Variants in PRMT8 observed in about 807,000 individuals in gnomAD.
The protein encoded by PRMT8 is protein arginine N-methyltransferase 8.
PRMT8 carries 7 observed loss-of-function variants against 47.1 expected under a neutral mutation model. The observed-to-expected ratio is 0.15, with a 90% CI of 0.08 to 0.28. PRMT8 has a LOEUF of 0.28. Ranked by LOEUF, PRMT8 falls within the 10% of genes least tolerant of loss-of-function variation. The pLI is 1.00. For missense variants in PRMT8, 237 were observed against 505.4 expected (o/e 0.47, Z 5.09); for synonymous variants, 188 against 186.5 (o/e 1.01, Z -0.07).
intron 1 of PRMT8, among the ~76,000 whole-genome samples, chr12:3,455,623 G>A (rs1030002296): frequency 6.6e-6 from 1 of 152,152 alleles, no homozygotes; most frequent in Non-Finnish European, 1.5e-5. Context: ...CTCTGGGCTC[G>A]GTCCTGGGAG....
At chr12:3,470,514 C>A (rs1333068088) in intron 1 of PRMT8, among the ~76,000 whole-genome samples, 1 of 152,170 alleles carries the variant, frequency 6.6e-6, no homozygotes, top group Non-Finnish European at 1.5e-5. Flanking sequence ...GGTCTGTGAG[C>A]TCCGTCCCTC....
intron 1 of PRMT8, among the ~76,000 whole-genome samples, chr12:3,396,570 G>A (rs1864250784): frequency 6.6e-6 from 1 of 152,220 alleles, no homozygotes; most frequent in Admixed American, 6.5e-5. Flanking sequence ...TAGAGTTTCT[G>A]CCGAAAGATC....
At chr12:3,517,687 T>A (rs1865816764) in intron 1 of PRMT8, among the ~76,000 whole-genome samples, 1 of 151,772 alleles carries the variant, frequency 6.6e-6, no homozygotes, top group Non-Finnish European at 1.5e-5. Context: ...AGAAACCAGC[T>A]GAAAATGAGA....
intron 1 of PRMT8, chr12:3,468,923 C>T (rs568335965): frequency 5.1e-5 from 10 of 196,840 alleles, no homozygotes; most frequent in Non-Finnish European, 1.0e-4. Flanking sequence ...TAAAGGAAGG[C>T]TCCTCTCTCC....
At chr12:3,496,217 T>TTA (rs1865508043) in intron 1 of PRMT8, among the ~76,000 whole-genome samples, 1 of 79,460 alleles carries the variant, frequency 1.3e-5, no homozygotes, top group Non-Finnish European at 2.4e-5. Flanking sequence ...TATATATATT[T>TTA]TTTTTTTTTT....
intron 4 of PRMT8, among the ~76,000 whole-genome samples, chr12:3,568,075 A>G (rs543900728): frequency 1.7e-4 from 23 of 139,392 alleles, no homozygotes; most frequent in African/African-American, 7.4e-4. Flanking sequence ...TCCGTCTCAA[A>G]AAAAAAAAAA....
At chr12:3,451,455 AG>A (rs1236954496) in intron 1 of PRMT8, among the ~76,000 whole-genome samples, 2 of 152,184 alleles carry the variant, frequency 1.3e-5, no homozygotes, top group Non-Finnish European at 2.9e-5. Context: ...TGTGCAGAAA[AG>A]ATCCTTTTTA....
chr12:3,490,716 AGAG>A (rs1565420871), upstream of PRMT8, among the ~76,000 whole-genome samples: 1 of 145,138 alleles, frequency 6.9e-6, no homozygotes, highest in East Asian at 2.0e-4. Flanking sequence ...AGAGAGAGAG[AGAG>A]AAAAGGATAA....
intron 1 of PRMT8, among the ~76,000 whole-genome samples, chr12:3,406,490 C>T (rs1323239467): frequency 6.6e-6 from 1 of 152,166 alleles, no homozygotes; most frequent in Non-Finnish European, 1.5e-5. Context: ...AACTTTTATG[C>T]TCTGCTTCCT....
intron 4 of PRMT8, among the ~76,000 whole-genome samples, chr12:3,560,370 T>C (rs2137192723): frequency 6.6e-6 from 1 of 152,300 alleles, no homozygotes. Context: ...GTGATGGAGT[T>C]ATTCACATGT....
At chr12:3,429,271 T>C (rs1001657429) in intron 1 of PRMT8, among the ~76,000 whole-genome samples, 1 of 152,218 alleles carries the variant, frequency 6.6e-6, no homozygotes, top group Non-Finnish European at 1.5e-5. Context: ...GGCTTCCTTC[T>C]GATGGCCAAC....
intron 1 of PRMT8, among the ~76,000 whole-genome samples, chr12:3,496,525 A>G (rs1865513187): frequency 6.6e-6 from 1 of 152,084 alleles, no homozygotes; most frequent in African/African-American, 2.4e-5. Flanking sequence ...CTGTTTCTGC[A>G]GAGTGTGTAC....
At chr12:3,424,036 G>T (rs773369403) in intron 1 of PRMT8, among the ~76,000 whole-genome samples, 25 of 152,258 alleles carry the variant, frequency 1.6e-4, no homozygotes, top group Non-Finnish European at 3.2e-4. Context: ...ATAACATGAA[G>T]TGACATTGAG....
At chr12:3,495,732 T>C (rs1416206896) in intron 1 of PRMT8, among the ~76,000 whole-genome samples, 2 of 152,190 alleles carry the variant, frequency 1.3e-5, no homozygotes, top group African/African-American at 4.8e-5. Flanking sequence ...ACTGAATTGA[T>C]GTATGTGATT....
At chr12:3,491,775 A>C in intron 1 of PRMT8, 75 bp downstream of exon 1, 2 of 1,529,908 alleles carry the variant, frequency 1.3e-6, no homozygotes, top group South Asian at 1.2e-5. Context: ...GCCGCCGCTC[A>C]GCGCCGAGTG....
At chr12:3,442,718 G>A (rs1864816346) in intron 1 of PRMT8, among the ~76,000 whole-genome samples, 1 of 152,156 alleles carries the variant, frequency 6.6e-6, no homozygotes, top group Non-Finnish European at 1.5e-5. Flanking sequence ...GAGTGCAATG[G>A]CATGGTCTTG....
rs139826184 is a variant in PRMT8, at chr12:3,539,288, A to G, written c.76-1318A>G. On this transcript the variant is annotated intron_variant, in intron 1 of 9. Coordinates refer to ENST00000382622, the MANE Select transcript of PRMT8 (RefSeq NM_019854.5). ...TATTATGATTTGTGTTCTATAGAGG[A>G]GGAAAAGCTGAGGCACAGTGATGAC... Among the ~76,000 whole-genome samples the G allele has an allele frequency of 9.2e-5, 14 of 152,300 alleles. No individual in the cohort carries two copies. In the East Asian group the frequency reaches 2.7e-3, roughly 29 times the overall value.
chr12:3,450,281 A>G (rs1864902979), intron 1 of PRMT8, among the ~76,000 whole-genome samples: 1 of 152,208 alleles, frequency 6.6e-6, no homozygotes, highest in Non-Finnish European at 1.5e-5. Flanking sequence ...GTATTGGTTT[A>G]TCTTGGATGT....
intron 1 of PRMT8, among the ~76,000 whole-genome samples, chr12:3,417,959 T>G (rs1325270556): frequency 2.6e-5 from 4 of 152,212 alleles, no homozygotes; most frequent in Non-Finnish European, 5.9e-5. Flanking sequence ...ATTTAACCTC[T>G]TTGTACTTGC....
Sources: allele counts gnomAD v4.1 joint callset (sites outside exome capture counted in the v4.1 genomes callset), GRCh38; gene constraint gnomAD v4.1.1; transcripts MANE v1.5; gene names NCBI Gene and HGNC (gene_info 2026-07-23, HGNC 2026-07-21).